The following ARHGAP24 variants were observed in gnomAD, a reference collection of about 807,000 sequenced individuals.
ARHGAP24 encodes the protein rho GTPase-activating protein 24.
Under a neutral mutation model 76.4 loss-of-function variants are expected in ARHGAP24, and 50 were observed. That is an observed-to-expected ratio of 0.65 (90% CI 0.52 to 0.83). The LOEUF (loss-of-function observed/expected upper bound fraction) is 0.83. Among genes scored for constraint, ARHGAP24 ranks in the 40% least tolerant of loss-of-function variants. The probability of loss-of-function intolerance (pLI) is 0.00; values close to 1 mark genes in which losing one functional copy is unlikely to be tolerated. For synonymous variants in ARHGAP24, 345 were observed against 323.3 expected (o/e 1.07, Z -0.72); for missense variants, 930 against 914.2 (o/e 1.02, Z -0.22).
intron 3 of ARHGAP24, among the ~76,000 whole-genome samples, chr4:85,800,713 CAACTGA>C (rs763415990): frequency 3.3e-5 from 5 of 152,196 alleles, no homozygotes; most frequent in Non-Finnish European, 7.3e-5. Context: ...TGCTGCATAG[CAACTGA>C]AACAGTCTAC....
At chr4:85,667,631 G>A (rs933523155) in intron 2 of ARHGAP24, among the ~76,000 whole-genome samples, 4 of 152,262 alleles carry the variant, frequency 2.6e-5, no homozygotes, top group African/African-American at 4.8e-5. Context: ...GTTCCTATTC[G>A]GCCATCTTGG....
At chr4:85,648,235 A>T (rs1553920104) in intron 2 of ARHGAP24, among the ~76,000 whole-genome samples, 1 of 152,112 alleles carries the variant, frequency 6.6e-6, no homozygotes, top group Non-Finnish European at 1.5e-5. Flanking sequence ...GTTATATCTT[A>T]CAGAAGTCCT....
At chr4:85,636,044 A>T (rs1721297311) in intron 2 of ARHGAP24, among the ~76,000 whole-genome samples, 1 of 150,278 alleles carries the variant, frequency 6.7e-6, no homozygotes, top group Non-Finnish European at 1.5e-5. Flanking sequence ...ACTAACTCAC[A>T]TTATCAAAAT....
chr4:85,603,740 T>C (rs1224441572), intron 2 of ARHGAP24, among the ~76,000 whole-genome samples: 1 of 152,218 alleles, frequency 6.6e-6, no homozygotes, highest in Admixed American at 6.5e-5. Context: ...TCTAGTACTG[T>C]GCTAAGCGCT....
intron 2 of ARHGAP24, among the ~76,000 whole-genome samples, chr4:85,697,980 T>C (rs533915908): frequency 4.3e-4 from 66 of 152,332 alleles, no homozygotes; most frequent in Admixed American, 1.6e-3. Context: ...TGAAATATTT[T>C]CTTAGGCAAA....
At chr4:85,567,835 A>C (rs200168927) in intron 1 of ARHGAP24, among the ~76,000 whole-genome samples, 1 of 152,220 alleles carries the variant, frequency 6.6e-6, no homozygotes, top group Non-Finnish European at 1.5e-5. Flanking sequence ...TGGTTGTTTT[A>C]GTAAAACTTA....
chr4:85,839,283 T>C (rs1248654981), intron 3 of ARHGAP24, among the ~76,000 whole-genome samples: 1 of 152,220 alleles, frequency 6.6e-6, no homozygotes, highest in Non-Finnish European at 1.5e-5. Context: ...ATATGCTGAT[T>C]TAAATATGGA....
chr4:85,636,494 CT>C (rs1721311698), intron 2 of ARHGAP24, among the ~76,000 whole-genome samples: 1 of 151,858 alleles, frequency 6.6e-6, no homozygotes, highest in Non-Finnish European at 1.5e-5. Context: ...TGTGTTTCAG[CT>C]TCCTAATCTG....
intron 1 of ARHGAP24, among the ~76,000 whole-genome samples, chr4:85,515,705 A>G (rs1183732900): frequency 1.3e-5 from 2 of 151,934 alleles, no homozygotes; most frequent in African/African-American, 4.8e-5. Context: ...ATGGGCGTTT[A>G]TGCTATTTTC....
intron 4 of ARHGAP24, among the ~76,000 whole-genome samples, chr4:85,932,163 A>C (rs1736371131): frequency 6.6e-6 from 1 of 152,232 alleles, no homozygotes; most frequent in Non-Finnish European, 1.5e-5. Flanking sequence ...TCTCATCCAC[A>C]AAGATAATTA....
intron 3 of ARHGAP24, among the ~76,000 whole-genome samples, chr4:85,854,987 T>C (rs1317167443): frequency 1.3e-5 from 2 of 152,232 alleles, no homozygotes; most frequent in Non-Finnish European, 2.9e-5. Flanking sequence ...TTGCTTTTGT[T>C]CTTATAGAAG....
At chr4:85,599,714 A>C (rs143069879) in intron 2 of ARHGAP24, among the ~76,000 whole-genome samples, 282 of 152,302 alleles carry the variant, frequency 1.9e-3, no homozygotes, top group African/African-American at 6.7e-3. Flanking sequence ...TAAATATAAA[A>C]TTTAAGTATA....
chr4:85,752,640 G>A (rs1726307799), intron 3 of ARHGAP24, among the ~76,000 whole-genome samples: 1 of 152,182 alleles, frequency 6.6e-6, no homozygotes, highest in African/African-American at 2.4e-5. Flanking sequence ...GAAAGAGACA[G>A]GCTTGGGTTT....
chr4:85,480,411 C>T (rs942443025), intron 1 of ARHGAP24, among the ~76,000 whole-genome samples: 4 of 152,100 alleles, frequency 2.6e-5, no homozygotes, highest in Non-Finnish European at 5.9e-5. Context: ...AAATTTGATG[C>T]TCAATTGTAC....
At chr4:85,759,529 A>G (rs1255893693) in intron 3 of ARHGAP24, among the ~76,000 whole-genome samples, 1 of 152,176 alleles carries the variant, frequency 6.6e-6, no homozygotes, top group African/African-American at 2.4e-5. Flanking sequence ...TGCAGAGTCT[A>G]GGGGGGTGGG....
intron 1 of ARHGAP24, among the ~76,000 whole-genome samples, chr4:85,549,841 ATAAG>A (rs1180545623): frequency 6.6e-6 from 1 of 152,172 alleles, no homozygotes. Flanking sequence ...GCTCCCACAT[ATAAG>A]TGAGAACATG....
At chr4:85,791,643 C>T (rs559006499) in intron 3 of ARHGAP24, among the ~76,000 whole-genome samples, 6 of 152,282 alleles carry the variant, frequency 3.9e-5, no homozygotes, top group African/African-American at 1.4e-4. Flanking sequence ...ATCGTGTGCC[C>T]TTCCAATGGC....
rs535119168 is a variant in ARHGAP24 at position 85,939,585 on chromosome 4, A to C, written c.392-2481A>C. 2.4e-4 allele frequency among the ~76,000 whole-genome samples: 37 copies of C among 152,316 alleles called. No individual in the cohort carries two copies. In the South Asian group the frequency reaches 3.1e-3, roughly 13 times the overall value. On this transcript the variant is annotated intron_variant, in intron 4 of 9. Coordinates refer to ENST00000395184, the MANE Select transcript of ARHGAP24 (RefSeq NM_001025616.3). ...AATTTAAGTTTCTCACTATAGTTTT[A>C]AAGTAAATTCTCATTTTATTATAAA...
In ARHGAP24 at chr4:85,611,865, G is replaced by T. The variant is rs114632370; in HGVS notation, c.180+41144G>T. Among the ~76,000 whole-genome samples the T allele has an allele frequency of 6.8e-3, 1,040 of 152,270 alleles. 14 individuals are homozygous for T. The highest frequency in any genetic ancestry group is 0.024 in the African/African-American group (1,000 of 41,552). On this transcript the variant is annotated intron_variant, in intron 2 of 9. Transcript: ENST00000395184. ...TAACCTGTCTTTCTGTGGCAAACAAGTTGTTTCCTTCTTCATTCAGATATT... is the reference window on the plus strand; with the variant it reads ...TAACCTGTCTTTCTGTGGCAAACAATTTGTTTCCTTCTTCATTCAGATATT...
Sources: allele counts gnomAD v4.1 joint callset (sites outside exome capture counted in the v4.1 genomes callset), GRCh38; gene constraint gnomAD v4.1.1; transcripts MANE v1.5; gene names NCBI Gene and HGNC (gene_info 2026-07-23, HGNC 2026-07-21).